Variants in MAP3K13 observed in about 807,000 individuals in gnomAD.
MAP3K13 encodes the protein mitogen-activated protein kinase kinase kinase 13, also known as leucine zipper-bearing kinase.
In MAP3K13, 52 loss-of-function variants were observed where a neutral mutation model predicts 104.0. That is an observed-to-expected ratio of 0.50 (90% CI 0.40 to 0.63). MAP3K13 has a LOEUF of 0.63. MAP3K13 is among the 20% of genes least tolerant of loss of function. The pLI, the probability that MAP3K13 is intolerant of heterozygous loss-of-function variation, is 0.00. For synonymous variants in MAP3K13, 394 were observed against 442.2 expected, an observed-to-expected ratio of 0.89 and a Z score of 1.37; for missense variants, 914 against 1,218.5, an observed-to-expected ratio of 0.75 and a Z score of 3.72.
At chr3:185,285,528 A>G in exon 2 of MAP3K13, 1 of 1,201,306 alleles carries the variant, frequency 8.3e-7, no homozygotes. Flanking sequence ...TTTGCAGAAC[A>G]CTGAAATCTA....
At chr3:185,308,548 C>G (rs1184353994) in intron 2 of MAP3K13, among the ~76,000 whole-genome samples, 2 of 152,152 alleles carry the variant, frequency 1.3e-5, no homozygotes, top group Admixed American at 6.5e-5. Context: ...CCCAATAACA[C>G]TGAGTTCTGT....
At chr3:185,380,367 T>C (rs1724652132) in intron 1 of MAP3K13, among the ~76,000 whole-genome samples, 1 of 149,742 alleles carries the variant, frequency 6.7e-6, no homozygotes, top group Non-Finnish European at 1.5e-5. Context: ...AAAAATTAAC[T>C]GGGCATGGTG....
intron 2 of MAP3K13, chr3:185,292,724 T>A (rs746868222): frequency 4.1e-6 from 4 of 985,046 alleles, no homozygotes; most frequent in Non-Finnish European, 4.8e-6. Flanking sequence ...CCAGGTTGGA[T>A]ACATGGCAAC....
chr3:185,458,142 G>A (rs1466746457), intron 7 of MAP3K13, among the ~76,000 whole-genome samples: 3 of 152,144 alleles, frequency 2.0e-5, no homozygotes, highest in Non-Finnish European at 2.9e-5. Context: ...ACCGAGATGG[G>A]TGGATCATTT....
intron 2 of MAP3K13, among the ~76,000 whole-genome samples, chr3:185,319,465 G>C (rs1305181686): frequency 2.0e-5 from 3 of 152,172 alleles, no homozygotes; most frequent in African/African-American, 7.2e-5. Flanking sequence ...CCTGGCCTGG[G>C]GGCTTCTGCT....
chr3:185,468,697 G>T (rs1717602073), intron 10 of MAP3K13, among the ~76,000 whole-genome samples: 1 of 152,206 alleles, frequency 6.6e-6, no homozygotes, highest in Non-Finnish European at 1.5e-5. Flanking sequence ...CTTCTAACGA[G>T]TAACTACACG....
intron 1 of MAP3K13, among the ~76,000 whole-genome samples, chr3:185,404,819 C>T (rs1297637460): frequency 1.3e-5 from 2 of 152,112 alleles, no homozygotes; most frequent in Non-Finnish European, 1.5e-5. Context: ...TCAGGTGATC[C>T]GCCCGCCTCG....
chr3:185,389,269 C>A, intron 1 of MAP3K13, among the ~76,000 whole-genome samples: 1 of 152,136 alleles, frequency 6.6e-6, no homozygotes, highest in East Asian at 1.9e-4. Context: ...CAAGTTTGGC[C>A]TCTAAAGTGA....
intron 2 of MAP3K13, among the ~76,000 whole-genome samples, chr3:185,287,301 T>C (rs546318115): frequency 6.6e-6 from 1 of 152,314 alleles, no homozygotes; most frequent in South Asian, 2.1e-4. Context: ...AATTGCTATT[T>C]AGGGACTTTT....
intron 1 of MAP3K13, among the ~76,000 whole-genome samples, chr3:185,365,674 T>TA (rs1005729591): frequency 6.6e-6 from 1 of 151,438 alleles, no homozygotes; most frequent in Non-Finnish European, 1.5e-5. Context: ...AAAATAAAAA[T>TA]AAAAAAATCA....
upstream of MAP3K13, among the ~76,000 whole-genome samples, chr3:185,361,537 G>A (rs956997625): frequency 6.6e-6 from 1 of 151,806 alleles, no homozygotes; most frequent in Admixed American, 6.6e-5. Flanking sequence ...AGTAGCTGGG[G>A]CTACAGGCGC....
intron 4 of MAP3K13, 47 bp from the exon 5 acceptor site, chr3:185,447,742 C>T (rs977948884): frequency 4.9e-6 from 7 of 1,420,582 alleles, no homozygotes; most frequent in African/African-American, 4.3e-5. Flanking sequence ...TCATGGTTTT[C>T]GTTAGTACTA....
intron 2 of MAP3K13, among the ~76,000 whole-genome samples, chr3:185,344,883 A>ATTT (rs147866083): frequency 2.8e-4 from 42 of 149,288 alleles, no homozygotes; most frequent in African/African-American, 7.3e-4. Flanking sequence ...TAATCTCATA[A>ATTT]TTTATTTTTT....
intron 2 of MAP3K13, among the ~76,000 whole-genome samples, chr3:185,434,492 T>G (rs1393452825): frequency 1.3e-5 from 2 of 152,224 alleles, no homozygotes; most frequent in African/African-American, 4.8e-5. Flanking sequence ...CAGGAAACTG[T>G]CCTCTTTAAC....
At chr3:185,427,866 G>C (rs1451099301) in intron 1 of MAP3K13, among the ~76,000 whole-genome samples, 3 of 152,136 alleles carry the variant, frequency 2.0e-5, no homozygotes, top group Non-Finnish European at 4.4e-5. Flanking sequence ...ATCACCTAAG[G>C]TCAGGAGTTG....
chr3:185,460,661 C>T (rs752655888), intron 7 of MAP3K13, among the ~76,000 whole-genome samples: 1 of 152,128 alleles, frequency 6.6e-6, no homozygotes, highest in Non-Finnish European at 1.5e-5. Flanking sequence ...AAATGGAACT[C>T]GAAATCAACA....
At chr3:185,410,332 G>A (rs1335180698) in intron 1 of MAP3K13, among the ~76,000 whole-genome samples, 1 of 152,134 alleles carries the variant, frequency 6.6e-6, no homozygotes, top group Non-Finnish European at 1.5e-5. Flanking sequence ...CAGAACAGAG[G>A]ATTCTAGAGG....
chr3:185,472,153 T>C (rs1028837521), intron 10 of MAP3K13, among the ~76,000 whole-genome samples: 8 of 151,912 alleles, frequency 5.3e-5, no homozygotes, highest in Admixed American at 4.6e-4. Context: ...CAAATTGATG[T>C]GGTTGGTCTG....
chr3:185,345,104 C>T (rs554346834), intron 2 of MAP3K13, among the ~76,000 whole-genome samples: 45 of 152,206 alleles, frequency 3.0e-4, no homozygotes, highest in African/African-American at 9.4e-4. Flanking sequence ...CTCAGGTGAT[C>T]GCCTGCCTTG....
Sources: gnomAD v4.1 joint callset for allele counts (sites outside exome capture counted in the v4.1 genomes callset) on GRCh38, gnomAD v4.1.1 for gene constraint, MANE v1.5 for transcripts, NCBI Gene and HGNC (gene_info 2026-07-23, HGNC 2026-07-21) for gene names.